The following CDC14A variants were observed in gnomAD, a reference collection of about 807,000 sequenced individuals.
CDC14A encodes dual specificity protein phosphatase CDC14A.
CDC14A carries 53 observed loss-of-function variants against 74.4 expected under a neutral mutation model. That is an observed-to-expected ratio of 0.71 (90% CI 0.57 to 0.89). CDC14A has a LOEUF of 0.89. Ranked by LOEUF, CDC14A falls within the 40% of genes least tolerant of loss-of-function variation. The pLI is 0.00. For synonymous variants in CDC14A, 247 were observed against 258.4 expected (o/e 0.96, Z 0.43); for missense variants, 646 against 713.7 (o/e 0.91, Z 1.08).
chr1:100,491,840 G>C (rs1301795686), intron 11 of CDC14A, among the ~76,000 whole-genome samples: 1 of 150,342 alleles, frequency 6.7e-6, no homozygotes, highest in Non-Finnish European at 1.5e-5. Context: ...CCAAAGTGCT[G>C]GGATTACAGG....
At chr1:100,351,197 C>A (rs1351918277), upstream of CDC14A, among the ~76,000 whole-genome samples, 19 of 149,236 alleles carry the variant, frequency 1.3e-4, no homozygotes, top group Non-Finnish European at 6.0e-5. Context: ...CTGTCTAAAA[C>A]AAAACACACA....
chr1:100,473,006 C>T (rs1187306720), intron 10 of CDC14A, among the ~76,000 whole-genome samples: 1 of 152,046 alleles, frequency 6.6e-6, no homozygotes, highest in Admixed American at 6.5e-5. Flanking sequence ...TGATTCCTTC[C>T]ACTTTCTCCT....
At chr1:100,426,000 G>A (rs999966120) in intron 5 of CDC14A, among the ~76,000 whole-genome samples, 10 of 152,122 alleles carry the variant, frequency 6.6e-5, no homozygotes, top group African/African-American at 2.4e-4. Context: ...TCTGTAAAAT[G>A]GCTTCAGGTC....
chr1:100,384,643 A>C (rs1003527517), intron 3 of CDC14A, among the ~76,000 whole-genome samples: 8 of 152,248 alleles, frequency 5.3e-5, no homozygotes, highest in Non-Finnish European at 1.2e-4. Context: ...CTTCAGCCGC[A>C]GTATCCTGGC....
intron 15 of CDC14A, among the ~76,000 whole-genome samples, chr1:100,500,745 A>G (rs1423658309): frequency 1.7e-4 from 4 of 23,688 alleles, no homozygotes; most frequent in African/African-American, 1.6e-3. Flanking sequence ...GCCACTCTCA[A>G]AAAAAAAAAA....
At chr1:100,489,686 C>A (rs1351730308) in intron 11 of CDC14A, among the ~76,000 whole-genome samples, 1 of 151,796 alleles carries the variant, frequency 6.6e-6, no homozygotes, top group African/African-American at 2.4e-5. Context: ...GCCCAGTATC[C>A]AAAAGGAAGA....
At chr1:100,446,098 A>G (rs1289077024) in intron 7 of CDC14A, among the ~76,000 whole-genome samples, 1 of 152,170 alleles carries the variant, frequency 6.6e-6, no homozygotes, top group Non-Finnish European at 1.5e-5. Flanking sequence ...CATACATTTT[A>G]TTAGCTCCAG....
intron 15 of CDC14A, among the ~76,000 whole-genome samples, chr1:100,512,285 A>G (rs1410206812): frequency 6.6e-6 from 1 of 152,076 alleles, no homozygotes. Context: ...GAGGTTCCAC[A>G]GTACAGTATA....
At chr1:100,412,697 T>TTTATATATAA (rs1660876115) in intron 4 of CDC14A, among the ~76,000 whole-genome samples, 1 of 26,410 alleles carries the variant, frequency 3.8e-5, no homozygotes, top group Non-Finnish European at 6.1e-5. Flanking sequence ...CTGTATGTTT[T>TTTATATATAA]ATATATATAT....
chr1:100,389,508 G>T (rs1236541632), intron 3 of CDC14A, among the ~76,000 whole-genome samples: 1 of 151,422 alleles, frequency 6.6e-6, no homozygotes, highest in Non-Finnish European at 1.5e-5. Context: ...GGTTATAAAA[G>T]AAATGCCTGA....
At chr1:100,477,873 T>C (rs1159755834) in intron 10 of CDC14A, among the ~76,000 whole-genome samples, 1 of 152,222 alleles carries the variant, frequency 6.6e-6, no homozygotes, top group Non-Finnish European at 1.5e-5. Context: ...AAAGGCTGGT[T>C]TGTCATATCC....
At chr1:100,422,250 A>T (rs2101074567) in intron 4 of CDC14A, among the ~76,000 whole-genome samples, 1 of 152,346 alleles carries the variant, frequency 6.6e-6, no homozygotes, top group East Asian at 1.9e-4. Flanking sequence ...GAAGCATTCC[A>T]TGTGGGCTGG....
chr1:100,468,130 G>A, intron 10 of CDC14A, 36 bp downstream of exon 10: 3 of 1,610,030 alleles, frequency 1.9e-6, no homozygotes, highest in Non-Finnish European at 2.5e-6. Flanking sequence ...ATTATATCCT[G>A]TTCTTGATCC....
chr1:100,357,871 GTTTT>G (rs911759329), intron 2 of CDC14A, among the ~76,000 whole-genome samples: 3 of 152,142 alleles, frequency 2.0e-5, no homozygotes, highest in African/African-American at 7.2e-5. Context: ...CCACAGCTGT[GTTTT>G]GCGCAGATGT....
chr1:100,450,695 G>T (rs977254183), intron 7 of CDC14A, among the ~76,000 whole-genome samples: 2 of 152,264 alleles, frequency 1.3e-5, no homozygotes, highest in African/African-American at 4.8e-5. Flanking sequence ...CCCATTGCTG[G>T]TTCAAAGCTC....
chr1:100,399,023 C>A (rs374293394), intron 4 of CDC14A, among the ~76,000 whole-genome samples: 1 of 151,898 alleles, frequency 6.6e-6, no homozygotes, highest in African/African-American at 2.4e-5. Context: ...TTTAAATGTC[C>A]GTTTTGAAAA....
At chr1:100,350,867 T>C (rs1202058788), upstream of CDC14A, among the ~76,000 whole-genome samples, 2 of 152,236 alleles carry the variant, frequency 1.3e-5, no homozygotes, top group Non-Finnish European at 2.9e-5. Context: ...TTTCCCTATC[T>C]TTCATATAAG....
chr1:100,459,126 C>CACACAGAG (rs1279905046), intron 8 of CDC14A, among the ~76,000 whole-genome samples: 2 of 144,576 alleles, frequency 1.4e-5, no homozygotes, highest in African/African-American at 5.2e-5. Flanking sequence ...CACACACACA[C>CACACAGAG]AGAGAGAGAG....
chr1:100,501,889 A>G (rs1193888210), intron 15 of CDC14A, among the ~76,000 whole-genome samples: 1 of 152,192 alleles, frequency 6.6e-6, no homozygotes, highest in Non-Finnish European at 1.5e-5. Context: ...TTTAGAAAGT[A>G]AATACTAAAG....
Sources: gnomAD v4.1 joint callset for allele counts (sites outside exome capture counted in the v4.1 genomes callset) on GRCh38, gnomAD v4.1.1 for gene constraint, MANE v1.5 for transcripts, NCBI Gene and HGNC (gene_info 2026-07-23, HGNC 2026-07-21) for gene names.